CIB4: variants seen among roughly 807,000 people sequenced by gnomAD.
CIB4 encodes calcium and integrin binding family member 4, also known as calcium and integrin-binding family member 4.
A neutral mutation model predicts 25.8 loss-of-function variants in CIB4; 25 were observed. The observed-to-expected ratio is 0.97, with a 90% CI of 0.71 to 1.35. The LOEUF (loss-of-function observed/expected upper bound fraction) is 1.35. Ranked by LOEUF, CIB4 falls within the 40% of genes most tolerant of loss-of-function variation. The pLI is 0.00. For synonymous variants in CIB4, 75 were observed against 81.4 expected (o/e 0.92, Z 0.42); for missense variants, 235 against 228.2 (o/e 1.03, Z -0.19).
intron 3 of CIB4, among the ~76,000 whole-genome samples, chr2:26,620,694 C>T (rs1044245893): frequency 5.3e-5 from 8 of 152,164 alleles, no homozygotes; most frequent in Admixed American, 2.0e-4. Flanking sequence ...GGGACTTCAG[C>T]TTTAAAACAG....
chr2:26,584,863 C>T (rs1234340115), intron 4 of CIB4, among the ~76,000 whole-genome samples: 6 of 152,088 alleles, frequency 3.9e-5, no homozygotes, highest in South Asian at 2.1e-4. Context: ...TTCTGGGGGC[C>T]GCACTGACTC....
intron 4 of CIB4, among the ~76,000 whole-genome samples, chr2:26,593,322 GTA>G (rs931239751): frequency 4.8e-5 from 7 of 147,196 alleles, no homozygotes; most frequent in African/African-American, 1.1e-4. Flanking sequence ...GTGTGTGTGT[GTA>G]TATGTGTGTG....
chr2:26,589,212 C>T (rs1473865798), intron 4 of CIB4, among the ~76,000 whole-genome samples: 1 of 147,874 alleles, frequency 6.8e-6, no homozygotes, highest in Admixed American at 6.8e-5. Context: ...CCTTCCTCTT[C>T]TTCTTCCTCC....
intron 6 of CIB4, 100 bp downstream of exon 6, chr2:26,582,724 CT>C: frequency 1.5e-6 from 1 of 651,636 alleles, no homozygotes. Context: ...TCACAGCCTT[CT>C]TGGGAAGACT....
chr2:26,614,533 C>T (rs1433298819), intron 3 of CIB4, among the ~76,000 whole-genome samples: 1 of 152,246 alleles, frequency 6.6e-6, no homozygotes, highest in Non-Finnish European at 1.5e-5. Context: ...GAACAGTTTT[C>T]CCAGGAGGCA....
rs539609693 is a variant in CIB4, at chr2:26,629,886, T to C, written c.90-380A>G. 1.3e-4 allele frequency among the ~76,000 whole-genome samples: 20 copies of C among 152,220 alleles called. No homozygotes were observed. The South Asian group carries it at 3.9e-3, about 30-fold the overall frequency. Reference sequence around the variant, plus strand: ...CCTCGGTTACGGATGGGGAAGCCAGTAGGACCTTGGGGAAGCCAGGGTCCC... The same window carrying C: ...CCTCGGTTACGGATGGGGAAGCCAGCAGGACCTTGGGGAAGCCAGGGTCCC... On this transcript the variant is annotated intron_variant, in intron 2 of 6. Coordinates refer to ENST00000288861, the MANE Select transcript of CIB4 (RefSeq NM_001029881.3).
chr2:26,591,036 C>A (rs1233969478), intron 4 of CIB4, among the ~76,000 whole-genome samples: 4 of 152,224 alleles, frequency 2.6e-5, no homozygotes, highest in African/African-American at 9.6e-5. Flanking sequence ...CTTCTGCTCA[C>A]CTCGCTCCTG....
intron 3 of CIB4, among the ~76,000 whole-genome samples, chr2:26,605,261 A>G (rs1013120135): frequency 3.3e-5 from 5 of 152,210 alleles, no homozygotes; most frequent in Non-Finnish European, 7.3e-5. Flanking sequence ...ATAGCATTAA[A>G]TGCTTGAATT....
intron 2 of CIB4, among the ~76,000 whole-genome samples, chr2:26,634,052 C>T (rs575798608): frequency 1.2e-4 from 19 of 152,290 alleles, no homozygotes; most frequent in East Asian, 3.9e-4. Context: ...CGGGGTCCCA[C>T]GTAAGAATCA....
intron 5 of CIB4, 71 bp downstream of exon 5, chr2:26,583,718 C>T (rs1016020415): frequency 5.0e-5 from 51 of 1,013,558 alleles, no homozygotes; most frequent in Non-Finnish European, 5.2e-5. Flanking sequence ...GCCTGACATC[C>T]GGGGGCTTTG....
At chr2:26,617,799 G>A (rs902133508) in intron 3 of CIB4, among the ~76,000 whole-genome samples, 4 of 152,034 alleles carry the variant, frequency 2.6e-5, no homozygotes, top group African/African-American at 4.8e-5. Flanking sequence ...TGAGTGTAGC[G>A]TTCCCAGAGG....
chr2:26,635,495 C>T (rs1381050686), intron 2 of CIB4, among the ~76,000 whole-genome samples: 2 of 152,200 alleles, frequency 1.3e-5, no homozygotes, highest in African/African-American at 4.8e-5. Flanking sequence ...GCCATCTGGG[C>T]CACATTTCTC....
chr2:26,595,275 T>G lies in CIB4; in HGVS notation c.229A>C (p.Lys77Gln), dbSNP rs747123164. Residue 77 changes from lysine (K) to glutamine (Q), a missense_variant, in exon 4 of 7, where the codon AAA becomes CAA. Lys to Gln is a moderately conservative substitution (Grantham distance 53). Coordinates refer to ENST00000288861, the MANE Select transcript of CIB4 (RefSeq NM_001029881.3). ...RDRICRVFSH[K>Q]GMFSFEDVLG... Reference sequence around the variant, plus strand: ...ACATCCTCAAAGGAGAACATGCCTTTGTGGGAGAACACTCTGCAGATACGG... The same window carrying G: ...ACATCCTCAAAGGAGAACATGCCTTGGTGGGAGAACACTCTGCAGATACGG... The G allele has an allele frequency of 6.2e-7, 1 of 1,614,046 alleles. No individual in the cohort carries two copies.
intron 3 of CIB4, among the ~76,000 whole-genome samples, chr2:26,597,212 A>C (rs545095445): frequency 8.5e-5 from 13 of 152,364 alleles, no homozygotes; most frequent in African/African-American, 3.1e-4. Flanking sequence ...AAAGAATGTC[A>C]GTGGATTTTG....
At chr2:26,592,329 A>G (rs1470672561) in intron 4 of CIB4, among the ~76,000 whole-genome samples, 3 of 152,054 alleles carry the variant, frequency 2.0e-5, no homozygotes, top group African/African-American at 4.8e-5. Context: ...GAGGGCTCCA[A>G]CTCCCTGGAT....
chr2:26,598,378 C>T (rs1053588381), intron 3 of CIB4, among the ~76,000 whole-genome samples: 12 of 151,826 alleles, frequency 7.9e-5, no homozygotes, highest in Non-Finnish European at 1.2e-4. Flanking sequence ...ACTCAGCAGC[C>T]GGCTAAAAAT....
chr2:26,601,570 G>A (rs1188704716), intron 3 of CIB4, among the ~76,000 whole-genome samples: 5 of 151,070 alleles, frequency 3.3e-5, no homozygotes, highest in Non-Finnish European at 5.9e-5. Flanking sequence ...TAAAACATTA[G>A]GTAACTATCA....
chr2:26,636,707 T>C lies in CIB4; in HGVS notation c.89+3826A>G, dbSNP rs567977317. ...TCCATAAGAGATGATTTTTTTAATTTGCATGACAAAAAGTATTGTTATCCT... is the reference window on the plus strand; with the variant it reads ...TCCATAAGAGATGATTTTTTTAATTCGCATGACAAAAAGTATTGTTATCCT... On this transcript the variant is annotated intron_variant, in intron 2 of 6. Coordinates refer to ENST00000288861, the MANE Select transcript of CIB4 (RefSeq NM_001029881.3). 1.1e-4 allele frequency among the ~76,000 whole-genome samples: 16 copies of C among 152,340 alleles called. 1 individual carries two copies. In the South Asian group the frequency reaches 3.3e-3, roughly 32 times the overall value.
At chr2:26,613,098 T>C (rs904779935) in intron 3 of CIB4, among the ~76,000 whole-genome samples, 5 of 152,162 alleles carry the variant, frequency 3.3e-5, no homozygotes, top group African/African-American at 1.2e-4. Context: ...TCTCTCCTCC[T>C]CATCTCAGCT....
Sources: allele counts gnomAD v4.1 joint callset (sites outside exome capture counted in the v4.1 genomes callset), GRCh38; gene constraint gnomAD v4.1.1; transcripts MANE v1.5; gene names NCBI Gene and HGNC (gene_info 2026-07-23, HGNC 2026-07-21).